Variants in L3MBTL4 observed in about 807,000 individuals in gnomAD.
L3MBTL4 encodes the protein L3MBTL histone methyl-lysine binding protein 4, also known as lethal(3)malignant brain tumor-like protein 4.
In L3MBTL4, 70 loss-of-function variants were observed where a neutral mutation model predicts 84.5. The ratio of observed to expected loss-of-function variants is 0.83; its 90% CI spans 0.68 to 1.01. The LOEUF (loss-of-function observed/expected upper bound fraction) is 1.01. L3MBTL4 is among the 50% of genes least tolerant of loss of function. L3MBTL4 has a pLI of 0.00. For missense variants in L3MBTL4, 715 were observed against 754.8 expected (o/e 0.95, Z 0.62); for synonymous variants, 274 against 259.8 (o/e 1.05, Z -0.52).
At chr18:6,119,664 A>G (rs2059466192) in intron 14 of L3MBTL4, among the ~76,000 whole-genome samples, 1 of 152,194 alleles carries the variant, frequency 6.6e-6, no homozygotes, top group Non-Finnish European at 1.5e-5. Flanking sequence ...AAGGAATATT[A>G]TTTGATAGAA....
At chr18:6,393,769 T>C (rs1368864632) in intron 1 of L3MBTL4, among the ~76,000 whole-genome samples, 2 of 152,300 alleles carry the variant, frequency 1.3e-5, no homozygotes, top group South Asian at 4.1e-4. Context: ...ATTGTGATCA[T>C]AGCCTCTCCA....
intron 3 of L3MBTL4, among the ~76,000 whole-genome samples, chr18:6,306,583 G>A (rs1028416503): frequency 3.9e-5 from 6 of 152,134 alleles, no homozygotes; most frequent in Admixed American, 6.5e-5. Context: ...ATTACAGAAA[G>A]ATTGCATTAC....
chr18:6,234,628 T>A (rs1007527034), intron 10 of L3MBTL4, among the ~76,000 whole-genome samples: 1 of 152,146 alleles, frequency 6.6e-6, no homozygotes, highest in African/African-American at 2.4e-5. Flanking sequence ...TGCCATCTCA[T>A]GCCAGTTAGA....
chr18:6,378,360 T>G (rs2054458249), intron 1 of L3MBTL4, among the ~76,000 whole-genome samples: 1 of 152,236 alleles, frequency 6.6e-6, no homozygotes, highest in South Asian at 2.1e-4. Flanking sequence ...TTGTTGCCAT[T>G]GCTTTTGGTG....
chr18:6,334,763 T>C (rs2052243116), intron 1 of L3MBTL4, among the ~76,000 whole-genome samples: 1 of 152,198 alleles, frequency 6.6e-6, no homozygotes, highest in Admixed American at 6.5e-5. Flanking sequence ...GTAAGGAGAT[T>C]TCTTTGTGAT....
Position 6,095,572 on chromosome 18 carries a change from G to C in L3MBTL4, c.1200-2044C>G, listed in dbSNP as rs537700106. ...TCAACGTGTTAGCCAGGACGGTCTC[G>C]ATCTCCTGACCTCATGATCCGCCCA... On this transcript the variant is annotated intron_variant, in intron 14 of 18. Transcript: ENST00000317931. Among the ~76,000 whole-genome samples, 5 of 152,152 alleles carry C rather than the reference G, an allele frequency of 3.3e-5. No homozygotes were observed. In the South Asian group the frequency reaches 1.0e-3, roughly 32 times the overall value.
intron 16 of L3MBTL4, chr18:6,029,707 A>C: frequency 1.0e-6 from 1 of 985,244 alleles, no homozygotes; most frequent in East Asian, 1.1e-4. Context: ...AAAGGGTAAA[A>C]TTAAAAGTTA....
chr18:6,128,105 T>C (rs1333727226), intron 14 of L3MBTL4, among the ~76,000 whole-genome samples: 1 of 148,022 alleles, frequency 6.8e-6, no homozygotes, highest in Non-Finnish European at 1.5e-5. Context: ...TAAGAAAAGC[T>C]ACACAATCTA....
intron 9 of L3MBTL4, among the ~76,000 whole-genome samples, chr18:6,238,284 A>G (rs2047300867): frequency 6.6e-6 from 1 of 152,270 alleles, no homozygotes; most frequent in African/African-American, 2.4e-5. Flanking sequence ...CTGTAATCCC[A>G]GCATTTCGGG....
intron 13 of L3MBTL4, among the ~76,000 whole-genome samples, chr18:6,158,988 A>G (rs1416386949): frequency 1.3e-5 from 2 of 152,156 alleles, no homozygotes; most frequent in South Asian, 2.1e-4. Flanking sequence ...TCTTTATGAA[A>G]AGGTAAGGCT....
intron 1 of L3MBTL4, among the ~76,000 whole-genome samples, chr18:6,374,625 A>C (rs935661997): frequency 2.0e-5 from 3 of 152,166 alleles, no homozygotes; most frequent in Non-Finnish European, 4.4e-5. Flanking sequence ...AAATCACCAG[A>C]ATGGTAAACT....
chr18:6,349,893 T>A (rs1338081794), intron 1 of L3MBTL4, among the ~76,000 whole-genome samples: 1 of 152,140 alleles, frequency 6.6e-6, no homozygotes, highest in Admixed American at 6.5e-5. Flanking sequence ...TTTCTTGATC[T>A]GAATGCTGGT....
intron 14 of L3MBTL4, among the ~76,000 whole-genome samples, chr18:6,132,001 A>C (rs1490226751): frequency 6.6e-6 from 1 of 152,180 alleles, no homozygotes; most frequent in African/African-American, 2.4e-5. Flanking sequence ...TTATATGATT[A>C]AAACAAGAGA....
intron 16 of L3MBTL4, among the ~76,000 whole-genome samples, chr18:6,005,523 G>T (rs60446774): frequency 0.14 from 21,964 of 151,960 alleles, 1,992 homozygotes; most frequent in East Asian, 0.25. Flanking sequence ...TGCTGTCTGT[G>T]GTTCTCTTCC....
At chr18:6,415,076 A>T (rs1599973081), upstream of L3MBTL4, 1 of 151,990 alleles carries the variant, frequency 6.6e-6, no homozygotes, top group Non-Finnish European at 1.5e-5. Flanking sequence ...CATGGGAGGG[A>T]GGTGGCTGCG....
At chr18:6,130,312 A>G (rs540396355) in intron 14 of L3MBTL4, among the ~76,000 whole-genome samples, 4 of 151,530 alleles carry the variant, frequency 2.6e-5, no homozygotes, top group Non-Finnish European at 5.9e-5. Flanking sequence ...AGAAGAAAAC[A>G]TCTAAAATAA....
chr18:6,011,085 A>C (rs2054714241), intron 16 of L3MBTL4, among the ~76,000 whole-genome samples: 1 of 152,252 alleles, frequency 6.6e-6, no homozygotes, highest in Non-Finnish European at 1.5e-5. Flanking sequence ...ATAATTATGC[A>C]GACTCTGTTG....
intron 14 of L3MBTL4, among the ~76,000 whole-genome samples, chr18:6,113,295 T>A (rs2059252064): frequency 6.6e-6 from 1 of 152,082 alleles, no homozygotes; most frequent in South Asian, 2.1e-4. Context: ...AACACATTCA[T>A]TCATGGAAAC....
intron 12 of L3MBTL4, among the ~76,000 whole-genome samples, chr18:6,176,509 A>T (rs895075762): frequency 4.6e-5 from 7 of 152,198 alleles, no homozygotes; most frequent in Non-Finnish European, 8.8e-5. Flanking sequence ...CATGTGAAAA[A>T]AAATGAGCCA....
Sources: gnomAD v4.1 joint callset for allele counts (sites outside exome capture counted in the v4.1 genomes callset) on GRCh38, gnomAD v4.1.1 for gene constraint, MANE v1.5 for transcripts, NCBI Gene and HGNC (gene_info 2026-07-23, HGNC 2026-07-21) for gene names.